Variants in RAPGEF2 observed in about 807,000 individuals in gnomAD.
RAPGEF2 encodes the protein PDZ domain containing guanine nucleotide exchange factor (GEF) 1.
A neutral mutation model predicts 186.7 loss-of-function variants in RAPGEF2; 54 were observed. The observed-to-expected ratio is 0.29, with a 90% CI of 0.23 to 0.36. RAPGEF2 has a LOEUF of 0.36. Ranked by LOEUF, RAPGEF2 falls within the 10% of genes least tolerant of loss-of-function variation. RAPGEF2 has a pLI of 1.00. For synonymous variants in RAPGEF2, 712 were observed against 705.9 expected (o/e 1.01, Z -0.14); for missense variants, 1,532 against 2,045.0 (o/e 0.75, Z 4.84).
At chr4:159,125,758 GAAAA>G (rs11310531) in intron 1 of RAPGEF2, among the ~76,000 whole-genome samples, 1 of 141,884 alleles carries the variant, frequency 7.0e-6, no homozygotes, top group African/African-American at 2.6e-5. Flanking sequence ...AATCTGTCTC[GAAAA>G]AAAAAAAAAA....
At chr4:159,226,133 A>G (rs1292838562) in intron 4 of RAPGEF2, among the ~76,000 whole-genome samples, 4 of 152,126 alleles carry the variant, frequency 2.6e-5, no homozygotes, top group Non-Finnish European at 5.9e-5. Flanking sequence ...TAGGTCTGAC[A>G]TCTATTTTGA....
Position 159,299,821 on chromosome 4 carries a change from A to G in RAPGEF2, c.544-4521A>G, listed in dbSNP as rs1348556761. Among the ~76,000 whole-genome samples the G allele has an allele frequency of 3.9e-5, 6 of 152,030 alleles. No homozygotes were observed. In the East Asian group the frequency reaches 9.6e-4, roughly 24 times the overall value. On this transcript the variant is annotated intron_variant, in intron 7 of 29. Coordinates refer to ENST00000691494, the MANE Select transcript of RAPGEF2 (RefSeq NM_001394067.2). The stretch of plus-strand genomic sequence containing the variant: ...CTATTTATATATTATAGAGACTTAA[A>G]TAATGTGTAGAATTTACTTTTACAA...
chr4:159,154,014 T>C (rs1743844313), intron 1 of RAPGEF2, among the ~76,000 whole-genome samples: 1 of 152,214 alleles, frequency 6.6e-6, no homozygotes, highest in African/African-American at 2.4e-5. Context: ...AACTGAGTGG[T>C]TAGATACGGA....
At chr4:159,207,816 T>G (rs1750136676) in intron 3 of RAPGEF2, among the ~76,000 whole-genome samples, 1 of 152,246 alleles carries the variant, frequency 6.6e-6, no homozygotes, top group Non-Finnish European at 1.5e-5. Flanking sequence ...ATTTAAAAAT[T>G]ATTAAACTAG....
At chr4:159,267,678 A>C (rs934959225) in intron 7 of RAPGEF2, 1 of 871,842 alleles carries the variant, frequency 1.1e-6, no homozygotes, top group Admixed American at 5.0e-5. Context: ...AAGGGTATTA[A>C]CAATGCTTGG....
At position 159,355,941 on chromosome 4, in the gene RAPGEF2, C is replaced by T. The variant is rs1194734756; in HGVS notation, c.4740C>T (p.Ser1580=). ...IPITDFPEGH[S]HPARKPPDYN... ...TTACTGACTTTCCAGAAGGGCACTC[C>T]CATCCAGCCAGGAAACCGCCGGACT... is the stretch of plus-strand genomic sequence containing the variant. Residue 1580 remains serine (S), a synonymous_variant, in exon 29 of 30, where the codon TCC becomes TCT. Transcript: ENST00000691494. 2 of 1,603,704 alleles carry T rather than the reference C, an allele frequency of 1.2e-6. No homozygotes were observed. Among genetic ancestry groups the T allele is most frequent in the Non-Finnish European group, 1.7e-6 (2 of 1,175,282 alleles).
intron 1 of RAPGEF2, among the ~76,000 whole-genome samples, chr4:159,145,452 C>T (rs1742848264): frequency 6.6e-6 from 1 of 152,010 alleles, no homozygotes; most frequent in Non-Finnish European, 1.5e-5. Flanking sequence ...TATATAACAG[C>T]GTATTGAGAT....
intron 1 of RAPGEF2, among the ~76,000 whole-genome samples, chr4:159,186,095 A>G (rs1037294863): frequency 6.6e-6 from 1 of 151,970 alleles, no homozygotes; most frequent in Non-Finnish European, 1.5e-5. Context: ...ATTTACTGCA[A>G]TGTGATCTGG....
intron 7 of RAPGEF2, among the ~76,000 whole-genome samples, chr4:159,281,468 A>G (rs1176772618): frequency 6.6e-6 from 1 of 151,368 alleles, no homozygotes; most frequent in Admixed American, 6.6e-5. Flanking sequence ...TCAGGAGTTC[A>G]AGACCAGCCT....
intron 1 of RAPGEF2, among the ~76,000 whole-genome samples, chr4:159,151,138 T>C (rs1261844350): frequency 6.6e-6 from 1 of 152,236 alleles, no homozygotes; most frequent in Non-Finnish European, 1.5e-5. Flanking sequence ...AGAGTGTAAA[T>C]GTTGGTTTCA....
intron 7 of RAPGEF2, among the ~76,000 whole-genome samples, chr4:159,296,461 A>G (rs1285400415): frequency 6.6e-6 from 1 of 152,216 alleles, no homozygotes; most frequent in Non-Finnish European, 1.5e-5. Context: ...TTTCAGGTCA[A>G]TTAGTAAATT....
At chr4:159,220,920 A>C (rs1362351941) in intron 4 of RAPGEF2, among the ~76,000 whole-genome samples, 1 of 152,204 alleles carries the variant, frequency 6.6e-6, no homozygotes, top group Non-Finnish European at 1.5e-5. Context: ...CCCTTTTAGA[A>C]ATAACTTTTC....
intron 7 of RAPGEF2, chr4:159,268,274 A>G: frequency 7.3e-7 from 1 of 1,370,298 alleles, no homozygotes; most frequent in Non-Finnish European, 1.0e-6. Context: ...CTGCTTTAAA[A>G]TGGGAATTGT....
chr4:159,214,818 A>G (rs1404421021), intron 4 of RAPGEF2, among the ~76,000 whole-genome samples: 1 of 152,202 alleles, frequency 6.6e-6, no homozygotes, highest in African/African-American at 2.4e-5. Context: ...TTTATCAGTC[A>G]TTAAAAAACC....
intron 1 of RAPGEF2, among the ~76,000 whole-genome samples, chr4:159,107,846 A>T (rs1017408924): frequency 6.6e-6 from 1 of 152,232 alleles, no homozygotes; most frequent in South Asian, 2.1e-4. Flanking sequence ...TGTGTCTGTT[A>T]TAGTTAAATT....
chr4:159,234,541 CCCGGCTA>C (rs1393297117), intron 4 of RAPGEF2, among the ~76,000 whole-genome samples: 1 of 145,040 alleles, frequency 6.9e-6, no homozygotes, highest in East Asian at 1.9e-4. Flanking sequence ...TGCCACCATG[CCCGGCTA>C]ATTTTTTTTT....
At chr4:159,162,428 A>G (rs1380052959) in intron 1 of RAPGEF2, among the ~76,000 whole-genome samples, 2 of 151,466 alleles carry the variant, frequency 1.3e-5, no homozygotes, top group Non-Finnish European at 2.9e-5. Context: ...GAATCTTTAT[A>G]TTGAAAAAAT....
At chr4:159,354,098 T>C in intron 28 of RAPGEF2, 52 bp downstream of exon 28, 1 of 1,461,386 alleles carries the variant, frequency 6.8e-7, no homozygotes, top group Non-Finnish European at 9.2e-7. Flanking sequence ...GTCTTTAATG[T>C]AACTTATTAC....
In RAPGEF2 at chr4:159,355,820, G is replaced by C. The variant is rs976598752; in HGVS notation, c.4652-33G>C. ...TAATAAACTTTTGTGGCATGAACTA[G>C]TTTTTAATGCTGGTGCATTGTTTCT... On this transcript the variant is annotated intron_variant, in intron 28 of 29. Coordinates refer to ENST00000691494, the MANE Select transcript of RAPGEF2 (RefSeq NM_001394067.2). 3 of 1,510,652 alleles carry C rather than the reference G, an allele frequency of 2.0e-6. No individual in the cohort carries two copies. The African/African-American group carries it at 4.2e-5, about 21-fold the overall frequency. 93.6% of individuals were successfully genotyped at this position (1,510,652 alleles called of 1,614,324 possible).
Sources: gnomAD v4.1 joint callset for allele counts (sites outside exome capture counted in the v4.1 genomes callset) on GRCh38, gnomAD v4.1.1 for gene constraint, MANE v1.5 for transcripts, NCBI Gene and HGNC (gene_info 2026-07-23, HGNC 2026-07-21) for gene names.